The following SEC31A variants were observed in gnomAD, a reference collection of about 807,000 sequenced individuals.
SEC31A encodes SEC31 homolog A, COPII component.
Under a neutral mutation model 151.0 loss-of-function variants are expected in SEC31A, and 70 were observed. The ratio of observed to expected loss-of-function variants is 0.46; its 90% confidence interval spans 0.38 to 0.57. SEC31A has a LOEUF of 0.57. Ranked by LOEUF, SEC31A falls within the 20% of genes least tolerant of loss-of-function variation. The pLI is 0.00. For missense variants in SEC31A, 1,330 were observed against 1,471.2 expected (o/e 0.90, Z 1.57); for synonymous variants, 475 against 505.9 (o/e 0.94, Z 0.82).
rs770184654 is a variant in SEC31A, at chr4:82,827,362, C to A, written c.3291+7G>T. ...TTCCCATTCCACTTCTACAAATTTA[C>A]TGTTACCTGGAAGGTATTTCCAATA... On this transcript the variant is annotated splice_region_variant and intron_variant, in intron 24 of 26. Transcript: ENST00000395310. The A allele has an allele frequency of 6.2e-7, 1 of 1,611,276 alleles. No individual in the cohort carries two copies. Among genetic ancestry groups the A allele is most frequent in the East Asian group, 2.2e-5 (1 of 44,838 alleles).
intron 1 of SEC31A, 155 bp downstream of exon 1, chr4:82,890,933 C>G: frequency 7.1e-7 from 1 of 1,417,582 alleles, no homozygotes; most frequent in Non-Finnish European, 9.2e-7. Context: ...TCCGCCGGGC[C>G]CGAAACCAAG....
intron 24 of SEC31A, among the ~76,000 whole-genome samples, chr4:82,825,330 G>A (rs569302384): frequency 6.6e-6 from 1 of 152,298 alleles, no homozygotes; most frequent in East Asian, 1.9e-4. Flanking sequence ...CAGTTCTCAG[G>A]GAGTTTACAG....
In SEC31A at chr4:82,846,986, A is replaced by T. The variant is rs983836859; in HGVS notation, c.2502+1818T>A. On this transcript the variant is annotated intron_variant, in intron 20 of 26. Transcript: ENST00000395310. ...TGCCTTGGCCTCCTAACGTACAGGG[A>T]TTACAGGCGTGAGCCACCGCGCCTG... 6.6e-5 allele frequency among the ~76,000 whole-genome samples: 10 copies of T among 152,316 alleles called. No homozygotes were observed. In the East Asian group the frequency reaches 1.7e-3, roughly 26 times the overall value.
At position 82,867,292 on chromosome 4, in the gene SEC31A, T is replaced by C. The variant is rs777043223; in HGVS notation, c.907A>G (p.Thr303Ala). 1.6e-5 allele frequency: 26 copies of C among 1,614,042 alleles called. No individual in the cohort carries two copies. The highest frequency in any genetic ancestry group is 2.7e-5 in the African/African-American group (2 of 74,930). ...CACTGAATATCGAAGCACCACTGTGTGTTGGTGGGAAGTTCATATAACACC... is the reference window on the plus strand; with the variant it reads ...CACTGAATATCGAAGCACCACTGTGCGTTGGTGGGAAGTTCATATAACACC... ...GEVLYELPTN[T>A]QWCFDIQWCP... Residue 303 changes from threonine to alanine, a missense_variant, in exon 9 of 27, where the codon ACA becomes GCA. Coordinates refer to ENST00000395310, the MANE Select transcript of SEC31A (RefSeq NM_001077207.4).
rs777405265 is a variant in SEC31A, at chr4:82,848,836, G to A, written c.2470C>T (p.Pro824Ser). 4.3e-6 allele frequency: 7 copies of A among 1,613,794 alleles called. No homozygotes were observed. The highest frequency in any genetic ancestry group is 5.9e-6 in the Non-Finnish European group (7 of 1,179,910). ...PGPVAGHHQM[P>S]RVQTQQYYPH... is the part of the protein sequence containing the mutation. ...TAATATTGTTGAGTTTGAACTCTTG[G>A]CATCTGGTGGTGGCCAGCAACTGGT... The change falls in exon 20 of 27, where the codon CCA (proline) becomes TCA (serine). Residue 824 changes from proline (P) to serine (S), a missense_variant. Transcript: ENST00000395310.
chr4:82,855,166 T>C, intron 16 of SEC31A, 137 bp from the exon 17 acceptor site: 3 of 691,738 alleles, frequency 4.3e-6, no homozygotes, highest in South Asian at 4.4e-5. Flanking sequence ...TCAAATGACA[T>C]AATAATGGTA....
chr4:82,851,275 C>A (rs994536895), intron 19 of SEC31A, among the ~76,000 whole-genome samples, 156 bp downstream of exon 19: 1 of 152,080 alleles, frequency 6.6e-6, no homozygotes, highest in Non-Finnish European at 1.5e-5. Flanking sequence ...TAAAATGATC[C>A]CTGAAGAATT....
intron 22 of SEC31A, among the ~76,000 whole-genome samples, chr4:82,838,391 C>T (rs890099095): frequency 2.6e-5 from 4 of 152,180 alleles, no homozygotes; most frequent in Non-Finnish European, 4.4e-5. Context: ...AAACTCCCTG[C>T]TATCCTGTGC....
upstream of SEC31A, among the ~76,000 whole-genome samples, chr4:82,891,940 A>T (rs1258605517): frequency 6.6e-6 from 1 of 152,180 alleles, no homozygotes; most frequent in Non-Finnish European, 1.5e-5. Context: ...TTCAACCCAG[A>T]TCTCCTAACT....
intron 14 of SEC31A, 49 bp downstream of exon 14, chr4:82,861,582 C>T: frequency 1.6e-6 from 2 of 1,246,014 alleles, no homozygotes; most frequent in African/African-American, 1.5e-5. Context: ...ATGTGAGATA[C>T]ACAAATATCA....
intron 17 of SEC31A, among the ~76,000 whole-genome samples, chr4:82,854,364 C>CAAAA (rs11349113): frequency 7.7e-6 from 1 of 130,262 alleles, no homozygotes. Context: ...ACTCCGTCTC[C>CAAAA]AAAAAAAAAA....
chr4:82,874,516 A>G, intron 6 of SEC31A, 95 bp downstream of exon 6: 1 of 1,258,508 alleles, frequency 7.9e-7, no homozygotes, highest in East Asian at 2.6e-5. Flanking sequence ...ATTTGACTTC[A>G]CAGAAATTTG....
chr4:82,896,321 G>A (rs1283258684), intron 3 of SEC31A, among the ~76,000 whole-genome samples: 1 of 152,162 alleles, frequency 6.6e-6, no homozygotes, highest in East Asian at 1.9e-4. Context: ...GGGTTCAAGT[G>A]GTTCTCCTGC....
intron 22 of SEC31A, among the ~76,000 whole-genome samples, chr4:82,839,074 T>C (rs1245786149): frequency 6.6e-6 from 1 of 152,194 alleles, no homozygotes; most frequent in Non-Finnish European, 1.5e-5. Context: ...GCTCCGGAGT[T>C]CAAGCGATTC....
At chr4:82,867,689 T>G (rs980168016) in intron 8 of SEC31A, among the ~76,000 whole-genome samples, 1 of 152,160 alleles carries the variant, frequency 6.6e-6, no homozygotes, top group Non-Finnish European at 1.5e-5. Context: ...TGGAGTGCAA[T>G]GGCAGCAGCC....
intron 21 of SEC31A, 159 bp downstream of exon 21, chr4:82,844,227 C>T (rs888982503): frequency 8.6e-6 from 6 of 696,800 alleles, no homozygotes; most frequent in Middle Eastern, 4.1e-4. Flanking sequence ...TTCAGGCCAC[C>T]TCCTAAAAAA....
chr4:82,864,961 A>T (rs912757724), intron 10 of SEC31A, among the ~76,000 whole-genome samples: 1 of 152,066 alleles, frequency 6.6e-6, no homozygotes, highest in African/African-American at 2.4e-5. Flanking sequence ...TGTTTAGTAG[A>T]CAGGGTTTCA....
chr4:82,838,134 G>A (rs1727873342), intron 22 of SEC31A, among the ~76,000 whole-genome samples: 1 of 152,156 alleles, frequency 6.6e-6, no homozygotes, highest in African/African-American at 2.4e-5. Flanking sequence ...AGGATATCAT[G>A]CTTTCCTTTA....
At position 82,864,455 on chromosome 4, in the gene SEC31A, C is replaced by T. The variant is rs1284140511; in HGVS notation, c.1341G>A (p.Gln447=). The change falls in exon 11 of 27, where the codon CAG becomes CAA. Residue 447 remains glutamine (Q), a synonymous_variant. Transcript: ENST00000395310. ...TGATAAATCCTTGTGACTGCACAGC[C>T]TGCTGAAGTTGGTCTGATCGGCTGA... ...EFLSRSDQLQ[Q]AVQSQGFINY... 6.2e-7 allele frequency: 1 copy of T among 1,614,192 alleles called. No homozygotes were observed. The highest frequency in any genetic ancestry group is 1.3e-5 in the African/African-American group (1 of 75,054).
Sources: gnomAD v4.1 joint callset for allele counts (sites outside exome capture counted in the v4.1 genomes callset) on GRCh38, gnomAD v4.1.1 for gene constraint, MANE v1.5 for transcripts, NCBI Gene and HGNC (gene_info 2026-07-23, HGNC 2026-07-21) for gene names.